The following DLST variants were observed in gnomAD, a reference collection of about 807,000 sequenced individuals.
DLST encodes dihydrolipoyllysine-residue succinyltransferase component of 2-oxoglutarate dehydrogenase complex, mitochondrial.
In DLST, 17 loss-of-function variants were observed where a neutral mutation model predicts 53.1. That is an observed-to-expected ratio of 0.32 (90% CI 0.22 to 0.48). The LOEUF is 0.48. DLST is among the 20% of genes least tolerant of loss of function. The pLI is 0.99. For synonymous variants in DLST, 206 were observed against 204.8 expected (o/e 1.01, Z -0.05); for missense variants, 512 against 583.9 (o/e 0.88, Z 1.27).
In DLST at chr14:74,881,986, G is replaced by A; in HGVS notation, c.33G>A (p.Ala11=). MLSRSRCVSR[A]FSRSLSAFQK... ...CCCGATCCCGCTGTGTGTCTCGGGCGTTCAGCCGCTCGCTCTCCGCCTTCC... is the reference window on the plus strand; with the variant it reads ...CCCGATCCCGCTGTGTGTCTCGGGCATTCAGCCGCTCGCTCTCCGCCTTCC... Residue 11 remains alanine (A), a synonymous_variant, in exon 1 of 15, where the codon GCG becomes GCA. Transcript: ENST00000334220. 6.4e-7 allele frequency: 1 copy of A among 1,572,308 alleles called. No homozygotes were observed. The highest frequency in any genetic ancestry group is 2.4e-5 in the East Asian group (1 of 41,854).
rs534087680 is a variant in DLST, at chr14:74,901,168, C to A, written c.1162C>A (p.Pro388Thr). Residue 388 changes from proline to threonine, a missense_variant, in exon 14 of 15, where the codon CCC becomes ACC. This residue lies in a region of DLST where 186 missense variants were observed against 260.4 expected (regional missense o/e 0.71). Coordinates refer to ENST00000334220, the MANE Select transcript of DLST (RefSeq NM_001933.5). ...GCTCTTTGGAACACCCATTATCAAC[C>A]CCCCTCAGTCTGCCATCCTGGGGAT... Reference protein sequence around the residue: ...GSLFGTPIINPPQSAILGMHG... With the variant: ...GSLFGTPIINTPQSAILGMHG... The A allele has an allele frequency of 6.2e-7, 1 of 1,614,176 alleles. No individual in the cohort carries two copies. The highest frequency in any genetic ancestry group is 1.1e-5 in the South Asian group (1 of 91,082).
At chr14:74,885,422 A>T (rs1441088367) in intron 2 of DLST, among the ~76,000 whole-genome samples, 164 bp from the exon 3 acceptor site, 1 of 152,216 alleles carries the variant, frequency 6.6e-6, no homozygotes, top group East Asian at 1.9e-4. Context: ...CACTAAGGCT[A>T]CTTTGGAAAA....
At position 74,901,166 on chromosome 14, in the gene DLST, AC is replaced by A; in HGVS notation, c.1166del (p.Pro389LeufsTer18). 1.2e-6 allele frequency: 2 copies of A among 1,613,800 alleles called. No individual in the cohort carries two copies. The highest frequency in any genetic ancestry group is 1.7e-6 in the Non-Finnish European group (2 of 1,179,928). On this transcript the variant is annotated frameshift_variant, in exon 14 of 15. Transcript: ENST00000334220. LOFTEE classifies it high-confidence loss of function. Reference sequence around the variant, plus strand: ...TCGCTCTTTGGAACACCCATTATCAACCCCCCTCAGTCTGCCATCCTGGGGA... The same window carrying A: ...TCGCTCTTTGGAACACCCATTATCAACCCCCTCAGTCTGCCATCCTGGGGA... ...FGSLFGTPII[N>X]PPQSAILGMH...
At chr14:74,889,576 G>A in intron 5 of DLST, 2 of 538,996 alleles carry the variant, frequency 3.7e-6, no homozygotes, top group Non-Finnish European at 6.5e-6. Context: ...TCACCATGTT[G>A]GTCAGGCTGG....
In DLST at chr14:74,889,321, C is replaced by G. The variant is rs1883817175; in HGVS notation, c.246C>G (p.Val82=). The G allele has an allele frequency of 6.2e-7, 1 of 1,610,024 alleles. No homozygotes were observed. The highest frequency in any genetic ancestry group is 8.5e-7 in the Non-Finnish European group (1 of 1,179,122). The change falls in exon 5 of 15, where the codon GTC becomes GTG. Residue 82 remains valine (V), a synonymous_variant. Transcript: ENST00000334220. ...TVKTPAFAES[V]TEGDVRWEKA... Reference sequence around the variant, plus strand: ...AAACCCCAGCGTTTGCAGAATCTGTCACAGAGGGAGATGTCAGGTGGGAGA... The same window carrying G: ...AAACCCCAGCGTTTGCAGAATCTGTGACAGAGGGAGATGTCAGGTGGGAGA...
chr14:74,882,016 G>C lies in DLST; in HGVS notation c.63G>C (p.Lys21Asn), dbSNP rs1484695704. The part of the protein sequence containing the change: ...AFSRSLSAFQ[K>N]GNCPLGRRSL... ...GCCGCTCGCTCTCCGCCTTCCAGAA[G>C]GTACGGTCTGGCCGAGCCGGGGCCC... Residue 21 changes from lysine to asparagine, a missense_variant and splice_region_variant, in exon 1 of 15, where the codon AAG becomes AAC. Physicochemically the swap from Lys to Asn is moderately conservative, Grantham distance 94. Transcript: ENST00000334220. The C allele has an allele frequency of 1.3e-6, 2 of 1,565,836 alleles. No individual in the cohort carries two copies. Among genetic ancestry groups the C allele is most frequent in the Non-Finnish European group, 1.7e-6 (2 of 1,164,342 alleles).
intron 9 of DLST, 111 bp from the exon 10 acceptor site, chr14:74,894,201 C>G (rs1193780325): frequency 7.8e-7 from 1 of 1,279,158 alleles, no homozygotes; most frequent in East Asian, 2.4e-5. Context: ...TACTTAGATA[C>G]TGTAGTCCTT....
intron 5 of DLST, chr14:74,889,606 G>T: frequency 1.9e-6 from 1 of 536,378 alleles, no homozygotes; most frequent in Non-Finnish European, 3.3e-6. Flanking sequence ...CCTGACCTCA[G>T]GTGATCTGCC....
intron 2 of DLST, among the ~76,000 whole-genome samples, chr14:74,885,253 A>G (rs115443113): frequency 9.4e-4 from 143 of 152,318 alleles, no homozygotes; most frequent in African/African-American, 3.4e-3. Flanking sequence ...GCGAGTAGAG[A>G]CATTTTATTA....
chr14:74,898,303 T>A, intron 10 of DLST, 66 bp from the exon 11 acceptor site: 1 of 1,575,582 alleles, frequency 6.3e-7, no homozygotes, highest in South Asian at 1.2e-5. Flanking sequence ...GTATATGGAT[T>A]GAGAAACCTG....
intron 10 of DLST, among the ~76,000 whole-genome samples, chr14:74,895,513 T>G (rs1269223775): frequency 6.6e-6 from 1 of 152,144 alleles, no homozygotes; most frequent in Non-Finnish European, 1.5e-5. Context: ...CCCAGAGCTT[T>G]GGGAGGGTGA....
intron 1 of DLST, 105 bp downstream of exon 1, chr14:74,882,121 A>C (rs1883538716): frequency 8.9e-7 from 1 of 1,119,762 alleles, no homozygotes; most frequent in African/African-American, 1.6e-5. Flanking sequence ...GCCGGGCACC[A>C]AGGGCACTGG....
At chr14:74,895,516 G>A (rs948235049) in intron 10 of DLST, among the ~76,000 whole-genome samples, 2 of 152,222 alleles carry the variant, frequency 1.3e-5, no homozygotes, top group Non-Finnish European at 2.9e-5. Context: ...AGAGCTTTGG[G>A]AGGGTGAGGA....
At chr14:74,892,433 T>C (rs918562271) in intron 7 of DLST, among the ~76,000 whole-genome samples, 3 of 152,112 alleles carry the variant, frequency 2.0e-5, no homozygotes, top group Admixed American at 6.5e-5. Flanking sequence ...GCATATATAA[T>C]GTTAAAATAG....
rs201278080 is a variant in DLST at position 74,889,078 on chromosome 14, G to A, written c.147-17G>A. On this transcript the variant is annotated splice_polypyrimidine_tract_variant and intron_variant, in intron 3 of 14. Coordinates refer to ENST00000334220, the MANE Select transcript of DLST (RefSeq NM_001933.5). ...GGTTCGCCTGTTAAAAGGAGTTAAC[G>A]TGTGTTTCTTTTGTAGCATTAACAA... The A allele has an allele frequency of 2.2e-4, 357 of 1,613,678 alleles. 1 individual carries two copies. The highest frequency in any genetic ancestry group is 6.8e-4 in the South Asian group (62 of 91,074).
At chr14:74,882,509 A>C in intron 1 of DLST, 82 bp from the exon 2 acceptor site, 1 of 1,409,198 alleles carries the variant, frequency 7.1e-7, no homozygotes, top group Non-Finnish European at 1.0e-6. Flanking sequence ...CCACTGGGAC[A>C]GCTTTGAGCG....
rs1405589165 is a variant in DLST at position 74,893,365 on chromosome 14, A to C, written c.613A>C (p.Thr205Pro). 1.9e-6 allele frequency: 3 copies of C among 1,614,024 alleles called. No individual in the cohort carries two copies. The highest frequency in any genetic ancestry group is 2.5e-6 in the Non-Finnish European group (3 of 1,180,034). Residue 205 changes from threonine (T) to proline (P), a missense_variant, in exon 9 of 15, where the codon ACT (threonine) becomes CCT (proline). Coordinates refer to ENST00000334220, the MANE Select transcript of DLST (RefSeq NM_001933.5). ...ATTTTCAGTGTCTGCAGTAAAACCC[A>C]CTGTTGCCCCACCACTAGCTGAGCC... ...SGKPVSAVKPTVAPPLAEPGA... is the reference protein window; with the variant it reads ...SGKPVSAVKPPVAPPLAEPGA...
chr14:74,885,868 G>A, intron 3 of DLST: 1 of 444,954 alleles, frequency 2.2e-6, no homozygotes, highest in Middle Eastern at 5.8e-4. Flanking sequence ...CAGGTGTTTG[G>A]ATTATAATGA....
At position 74,894,365 on chromosome 14, in the gene DLST, G is replaced by A. The variant is rs45478696; in HGVS notation, c.726G>A (p.Gln242=). 7.4e-6 allele frequency: 12 copies of A among 1,614,170 alleles called. No individual in the cohort carries two copies. Among genetic ancestry groups the A allele is most frequent in the Non-Finnish European group, 1.0e-5 (12 of 1,180,022 alleles). The part of the protein sequence containing the change: ...QRIAQRLKEA[Q]NTCAMLTTFN... ...TTGCTCAGCGTCTGAAGGAGGCCCA[G>A]AATACATGTGCAATGCTGACAACTT... The change falls in exon 10 of 15, where the codon CAG becomes CAA. Residue 242 remains glutamine, a synonymous_variant. Transcript: ENST00000334220.
Sources: gnomAD v4.1 joint callset for allele counts (sites outside exome capture counted in the v4.1 genomes callset) on GRCh38, gnomAD v4.1.1 for gene constraint, gnomAD v4.1.1 regional missense constraint, MANE v1.5 for transcripts, NCBI Gene and HGNC (gene_info 2026-07-23, HGNC 2026-07-21) for gene names.